Variants in DGKB observed in about 807,000 individuals in gnomAD.
DGKB encodes the protein diacylglycerol kinase beta, also known as 90 kDa diacylglycerol kinase.
DGKB carries 67 observed loss-of-function variants against 114.3 expected under a neutral mutation model. That is an observed-to-expected ratio of 0.59 (90% CI 0.48 to 0.72). DGKB has a LOEUF of 0.72. Ranked by LOEUF, DGKB falls within the 30% of genes least tolerant of loss-of-function variation. The pLI is 0.00. For synonymous variants in DGKB, 398 were observed against 323.1 expected, an observed-to-expected ratio of 1.23 and a Z score of -2.49; for missense variants, 907 against 975.2, an observed-to-expected ratio of 0.93 and a Z score of 0.93.
intron 1 of DGKB, among the ~76,000 whole-genome samples, chr7:14,867,141 G>GAAATTT (rs1334282614): frequency 6.6e-6 from 1 of 152,122 alleles, no homozygotes; most frequent in Non-Finnish European, 1.5e-5. Context: ...TTTATGAGAT[G>GAAATTT]TGTGTTTTGC....
rs1446469309 is a variant in DGKB, at chr7:14,286,492, T to TAACTA, written c.2122+52018_2122+52022dup. Among the ~76,000 whole-genome samples, 4 of 152,256 alleles carry TAACTA rather than the reference T, an allele frequency of 2.6e-5. No individual in the cohort carries two copies. In the East Asian group the frequency reaches 7.7e-4, roughly 29 times the overall value. ...ATTGGATGTTAGAATCTCTTATGGT[T>TAACTA]AACTATCGCTATTTTAAAATGGGAA... On this transcript the variant is annotated intron_variant, in intron 23 of 25. Transcript: ENST00000402815.
At chr7:14,150,684 T>C (rs2128211016) in intron 25 of DGKB, among the ~76,000 whole-genome samples, 1 of 152,174 alleles carries the variant, frequency 6.6e-6, no homozygotes, top group Non-Finnish European at 1.5e-5. Context: ...AGGGAATTGA[T>C]AGTTGGATAG....
chr7:14,945,756 A>G (rs7798929), intron 1 of DGKB, among the ~76,000 whole-genome samples: 5,651 of 151,804 alleles, frequency 0.037, 347 homozygotes, highest in African/African-American at 0.13. Context: ...AGAATCAAAC[A>G]TCAATATTCC....
At chr7:14,829,752 T>C (rs754724989) in intron 2 of DGKB, among the ~76,000 whole-genome samples, 2 of 152,058 alleles carry the variant, frequency 1.3e-5, no homozygotes, top group African/African-American at 2.4e-5. Context: ...TGGCAGCCAA[T>C]AGGAGAAGAA....
chr7:14,475,795 A>T (rs1225930846), intron 21 of DGKB, among the ~76,000 whole-genome samples: 1 of 152,146 alleles, frequency 6.6e-6, no homozygotes, highest in Non-Finnish European at 1.5e-5. Flanking sequence ...TCACATACTG[A>T]GCAGTGAGGA....
intron 23 of DGKB, among the ~76,000 whole-genome samples, chr7:14,229,762 T>C (rs1441935232): frequency 6.6e-6 from 1 of 151,906 alleles, no homozygotes; most frequent in Non-Finnish European, 1.5e-5. Flanking sequence ...TCTCTAAGCA[T>C]AAAGTTGTTA....
At chr7:14,508,713 T>A (rs1359492751) in intron 20 of DGKB, among the ~76,000 whole-genome samples, 1 of 152,126 alleles carries the variant, frequency 6.6e-6, no homozygotes, top group East Asian at 1.9e-4. Context: ...CTTCTAGAGG[T>A]AAGGTTGAAA....
chr7:14,613,503 T>C (rs1432970515), intron 15 of DGKB, 90 bp from the exon 16 acceptor site: 3 of 719,298 alleles, frequency 4.2e-6, no homozygotes, highest in African/African-American at 3.6e-5. Flanking sequence ...AAAATACCAA[T>C]ACGCAATTTC....
At chr7:14,495,171 A>C (rs1378640456) in intron 20 of DGKB, among the ~76,000 whole-genome samples, 1 of 151,838 alleles carries the variant, frequency 6.6e-6, no homozygotes, top group Non-Finnish European at 1.5e-5. Flanking sequence ...TTCCTGATAC[A>C]CACAATGGAA....
intron 23 of DGKB, among the ~76,000 whole-genome samples, chr7:14,291,910 G>A (rs1801831503): frequency 6.6e-6 from 1 of 152,138 alleles, no homozygotes; most frequent in Admixed American, 6.6e-5. Context: ...AGAGAAGCAG[G>A]AGGTAATATC....
At chr7:14,456,572 C>A (rs184644083) in intron 21 of DGKB, among the ~76,000 whole-genome samples, 4 of 149,746 alleles carry the variant, frequency 2.7e-5, no homozygotes, top group Admixed American at 1.3e-4. Flanking sequence ...GATGTTCTAG[C>A]AAAACCTAAT....
At chr7:14,949,900 A>C (rs1421503682) in intron 1 of DGKB, among the ~76,000 whole-genome samples, 1 of 151,858 alleles carries the variant, frequency 6.6e-6, no homozygotes, top group Non-Finnish European at 1.5e-5. Context: ...GGAATTGAAC[A>C]ATGAGAACAT....
At chr7:14,157,643 C>T (rs1225094487) in intron 25 of DGKB, among the ~76,000 whole-genome samples, 1 of 152,144 alleles carries the variant, frequency 6.6e-6, no homozygotes, top group African/African-American at 2.4e-5. Context: ...GATTTGAAAT[C>T]TCTTTTAACA....
In DGKB at chr7:14,732,371, A is replaced by AT. The variant is rs1165310690; in HGVS notation, c.322+3669dup. On this transcript the variant is annotated intron_variant, in intron 5 of 25. Transcript: ENST00000402815. ...GCCCCTCTCTGTTCAAAAGTCTGTT[A>AT]TTTTTCAGCCACAAAAACACCTCGT... Among the ~76,000 whole-genome samples the AT allele has an allele frequency of 2.0e-5, 3 of 152,066 alleles. No individual in the cohort carries two copies. In the East Asian group the frequency reaches 5.8e-4, roughly 29 times the overall value.
intron 9 of DGKB, among the ~76,000 whole-genome samples, chr7:14,689,199 A>ATTTTTTTTTTTTTTTTTTTTTTTTTT (rs551618345): frequency 2.6e-5 from 2 of 76,572 alleles, no homozygotes; most frequent in Non-Finnish European, 5.3e-5. Context: ...AACTCCTCTT[A>ATTTTTTTTTTTTTTTTTTTTTTTTTT]TTTTTTTTTT....
intron 21 of DGKB, among the ~76,000 whole-genome samples, chr7:14,435,735 T>A (rs1307308667): frequency 6.6e-6 from 1 of 152,074 alleles, no homozygotes; most frequent in African/African-American, 2.4e-5. Context: ...AAAAGTGAAA[T>A]TGAATAGTTG....
intron 23 of DGKB, among the ~76,000 whole-genome samples, chr7:14,311,847 AT>A (rs1440615098): frequency 6.6e-6 from 1 of 152,066 alleles, no homozygotes; most frequent in Non-Finnish European, 1.5e-5. Flanking sequence ...GGGTTAAGCC[AT>A]TTTCTTCTTA....
chr7:14,378,953 C>G (rs771159647), intron 21 of DGKB, among the ~76,000 whole-genome samples: 3 of 151,642 alleles, frequency 2.0e-5, no homozygotes, highest in Non-Finnish European at 4.4e-5. Flanking sequence ...GTTAGCAAAA[C>G]TGATTTGGAT....
rs150850045 is a variant in DGKB at position 14,357,615 on chromosome 7, A to G, written c.1836-12224T>C. Among the ~76,000 whole-genome samples, 1,017 of 152,224 alleles carry G rather than the reference A, an allele frequency of 6.7e-3. 13 individuals carry two copies. The highest frequency in any genetic ancestry group is 0.023 in the African/African-American group (941 of 41,526). On this transcript the variant is annotated intron_variant, in intron 21 of 25. Coordinates refer to ENST00000402815, the MANE Select transcript of DGKB (RefSeq NM_001350709.2). ...ATTTACATTTAAGGTTAATATTGTT[A>G]TGTGTGAATTTGATCCTGTCATTAT...
Sources: allele counts gnomAD v4.1 joint callset (sites outside exome capture counted in the v4.1 genomes callset), GRCh38; gene constraint gnomAD v4.1.1; transcripts MANE v1.5; gene names NCBI Gene and HGNC (gene_info 2026-07-23, HGNC 2026-07-21).